The following STK3 variants were observed in gnomAD, a reference collection of about 807,000 sequenced individuals.
The protein encoded by STK3 is serine/threonine-protein kinase 3.
STK3 carries 41 observed loss-of-function variants against 58.0 expected under a neutral mutation model. The ratio of observed to expected loss-of-function variants is 0.71; its 90% CI spans 0.55 to 0.92. STK3 has a LOEUF of 0.92. Ranked by LOEUF, STK3 falls within the 40% of genes least tolerant of loss-of-function variation. The pLI, the probability that STK3 is intolerant of heterozygous loss-of-function variation, is 0.00. For synonymous variants in STK3, 170 were observed against 191.0 expected (o/e 0.89, Z 0.91); for missense variants, 479 against 602.7 (o/e 0.79, Z 2.15).
At chr8:98,865,604 T>TC in intron 3 of STK3, among the ~76,000 whole-genome samples, 1 of 152,046 alleles carries the variant, frequency 6.6e-6, no homozygotes, top group African/African-American at 2.4e-5. Context: ...CCCACCTTAT[T>TC]CCCCCAAAGC....
downstream of STK3, among the ~76,000 whole-genome samples, chr8:98,454,225 CT>C (rs1361022460): frequency 6.6e-6 from 1 of 152,196 alleles, no homozygotes; most frequent in Non-Finnish European, 1.5e-5. Context: ...GTTCTCTCCC[CT>C]CCAGCTACGT....
intron 1 of STK3, among the ~76,000 whole-genome samples, chr8:98,912,147 G>A (rs1049301150): frequency 4.4e-4 from 67 of 152,280 alleles, no homozygotes; most frequent in Admixed American, 3.8e-3. Context: ...AGGAGGCAGA[G>A]GCAGGTGGAT....
intron 1 of STK3, among the ~76,000 whole-genome samples, chr8:98,808,681 G>C (rs937514085): frequency 6.6e-6 from 1 of 152,126 alleles, no homozygotes; most frequent in East Asian, 1.9e-4. Flanking sequence ...ATAATATGGT[G>C]ATCTAGTAAG....
intron 1 of STK3, among the ~76,000 whole-genome samples, chr8:98,386,655 G>A (rs886414886): frequency 2.4e-4 from 37 of 152,160 alleles, no homozygotes; most frequent in African/African-American, 8.4e-4. Flanking sequence ...TTCCCTCAAT[G>A]TACCTTGTTT....
chr8:98,575,340 TTG>T (rs1309624281), intron 8 of STK3, among the ~76,000 whole-genome samples: 1 of 131,922 alleles, frequency 7.6e-6, no homozygotes, highest in Non-Finnish European at 1.7e-5. Context: ...ACCTAGTGAC[TTG>T]TTTTTTTTTT....
chr8:98,887,682 T>C (rs1481783054), intron 1 of STK3, among the ~76,000 whole-genome samples: 1 of 152,016 alleles, frequency 6.6e-6, no homozygotes, highest in Non-Finnish European at 1.5e-5. Flanking sequence ...TGTAAAAATA[T>C]AGAAACTGGA....
intron 6 of STK3, among the ~76,000 whole-genome samples, chr8:98,610,421 A>G (rs1817106312): frequency 6.6e-6 from 1 of 152,210 alleles, no homozygotes; most frequent in African/African-American, 2.4e-5. Context: ...GCCTAGCTTC[A>G]TTTTACCAAA....
chr8:98,542,179 T>C (rs1158246749), intron 9 of STK3, among the ~76,000 whole-genome samples: 1 of 152,128 alleles, frequency 6.6e-6, no homozygotes, highest in African/African-American at 2.4e-5. Context: ...GTAACAGCTA[T>C]AACCTGAGAA....
chr8:98,489,463 G>A (rs533441365), intron 10 of STK3, among the ~76,000 whole-genome samples: 1 of 152,098 alleles, frequency 6.6e-6, no homozygotes, highest in Non-Finnish European at 1.5e-5. Flanking sequence ...TTGTTGTGCA[G>A]TAACTTAAAA....
chr8:98,627,555 T>C (rs1228172877), intron 6 of STK3, among the ~76,000 whole-genome samples: 3 of 151,854 alleles, frequency 2.0e-5, no homozygotes, highest in African/African-American at 7.3e-5. Flanking sequence ...TCCCCTTTCT[T>C]TTGCTCCTGC....
At chr8:98,584,185 T>G (rs1814231688) in intron 7 of STK3, among the ~76,000 whole-genome samples, 1 of 152,050 alleles carries the variant, frequency 6.6e-6, no homozygotes, top group Admixed American at 6.6e-5. Flanking sequence ...GCCATGCTGG[T>G]GCGCTGCACC....
At chr8:98,500,219 C>T (rs1237370411) in intron 10 of STK3, among the ~76,000 whole-genome samples, 4 of 151,970 alleles carry the variant, frequency 2.6e-5, no homozygotes, top group Admixed American at 6.6e-5. Flanking sequence ...AGAAAAGATG[C>T]TATATCACTG....
At chr8:98,711,326 C>A (rs998292708) in intron 4 of STK3, among the ~76,000 whole-genome samples, 1 of 151,940 alleles carries the variant, frequency 6.6e-6, no homozygotes, top group Non-Finnish European at 1.5e-5. Flanking sequence ...TTCTGATGAT[C>A]GAACTACTCC....
At position 98,372,787 on chromosome 8, in the gene STK3, T is replaced by C. The variant is rs142473524; in HGVS notation, n.112-1109A>G. On this transcript the variant is annotated intron_variant and non_coding_transcript_variant, in intron 2 of 2. Coordinates refer to the STK3 transcript ENST00000518704. Reference sequence around the variant, plus strand: ...TGAGAAGAGCATGGGTTGTGAACTCTAACAATTCACAGTCTAGCGCTGCTC... The same window carrying C: ...TGAGAAGAGCATGGGTTGTGAACTCCAACAATTCACAGTCTAGCGCTGCTC... 1.4e-3 allele frequency among the ~76,000 whole-genome samples: 206 copies of C among 152,338 alleles called. 2 individuals carry two copies. In the Middle Eastern group the frequency reaches 0.014, roughly 10 times the overall value.
chr8:98,555,803 T>C (rs1811544304), intron 8 of STK3, among the ~76,000 whole-genome samples: 1 of 152,152 alleles, frequency 6.6e-6, no homozygotes, highest in South Asian at 2.1e-4. Context: ...ATAGCTGAGT[T>C]TTCAAGATAG....
At chr8:98,670,691 A>G (rs1330432005) in intron 6 of STK3, among the ~76,000 whole-genome samples, 1 of 152,144 alleles carries the variant, frequency 6.6e-6, no homozygotes, top group African/African-American at 2.4e-5. Flanking sequence ...GCCTTTTCCA[A>G]TACTACCTGT....
intron 8 of STK3, among the ~76,000 whole-genome samples, chr8:98,552,349 C>T (rs1316691247): frequency 6.6e-6 from 1 of 152,068 alleles, no homozygotes; most frequent in South Asian, 2.1e-4. Flanking sequence ...CTGCATTTGG[C>T]CTCCTATCAC....
At chr8:98,784,709 T>C (rs1832345253) in intron 1 of STK3, among the ~76,000 whole-genome samples, 1 of 151,862 alleles carries the variant, frequency 6.6e-6, no homozygotes. Context: ...TGTGCATAGA[T>C]TGTGGTACAG....
At chr8:98,475,814 C>T (rs532569335) in intron 10 of STK3, among the ~76,000 whole-genome samples, 16 of 152,268 alleles carry the variant, frequency 1.1e-4, no homozygotes, top group South Asian at 2.1e-4. Context: ...TTTTGCCAGA[C>T]GCGAAACAAA....
Sources: gnomAD v4.1 joint callset for allele counts (sites outside exome capture counted in the v4.1 genomes callset) on GRCh38, gnomAD v4.1.1 for gene constraint, MANE v1.5 for transcripts, NCBI Gene and HGNC (gene_info 2026-07-23, HGNC 2026-07-21) for gene names.